The following GNAL variants were observed in gnomAD, a reference collection of about 807,000 sequenced individuals.
GNAL encodes guanine nucleotide-binding protein G(olf) subunit alpha.
In GNAL, 18 loss-of-function variants were observed where a neutral mutation model predicts 55.1. That is an observed-to-expected ratio of 0.33 (90% CI 0.23 to 0.48). The LOEUF is 0.48. Among genes scored for constraint, GNAL ranks in the 20% least tolerant of loss-of-function variants. GNAL has a pLI of 0.99. For synonymous variants in GNAL, 253 were observed against 237.0 expected (o/e 1.07, Z -0.62); for missense variants, 412 against 614.1 (o/e 0.67, Z 3.48).
At chr18:11,788,914 A>ATATATATATATAT (rs1555650656) in intron 4 of GNAL, among the ~76,000 whole-genome samples, 1 of 56,300 alleles carries the variant, frequency 1.8e-5, no homozygotes, top group Non-Finnish European at 2.9e-5. Flanking sequence ...AAAAAAAAAA[A>ATATATATATATAT]ATATATATAT....
intron 5 of GNAL, among the ~76,000 whole-genome samples, chr18:11,835,852 G>A (rs2035486456): frequency 6.6e-6 from 1 of 152,194 alleles, no homozygotes; most frequent in Admixed American, 6.5e-5. Flanking sequence ...AATTATTTAA[G>A]ACGTGCGTCC....
chr18:11,796,765 C>T (rs893463354), intron 4 of GNAL, among the ~76,000 whole-genome samples: 4 of 152,058 alleles, frequency 2.6e-5, no homozygotes, highest in Admixed American at 2.6e-4. Context: ...AAACATTTTT[C>T]ATTTCAGTTA....
chr18:11,761,659 C>G (rs1224327276), intron 4 of GNAL, among the ~76,000 whole-genome samples: 3 of 152,186 alleles, frequency 2.0e-5, no homozygotes, highest in African/African-American at 7.2e-5. Context: ...GCCTCTCTCC[C>G]TAGGCCTGCA....
intron 1 of GNAL, among the ~76,000 whole-genome samples, chr18:11,709,201 C>T (rs1434881014): frequency 2.6e-5 from 4 of 151,864 alleles, no homozygotes; most frequent in African/African-American, 9.7e-5. Flanking sequence ...ATTACTGTAA[C>T]TGTGTAGTAT....
chr18:11,805,909 T>C lies in GNAL; in HGVS notation c.625-19009T>C, dbSNP rs943575221. On this transcript the variant is annotated intron_variant, in intron 4 of 11. Coordinates refer to ENST00000334049, the MANE Select transcript of GNAL (RefSeq NM_182978.4). ...AGAATGGTAGTTCTATTTTTGATTATTTGAGGAATCTCCATACTGTTTTCC... is the reference window on the plus strand; with the variant it reads ...AGAATGGTAGTTCTATTTTTGATTACTTGAGGAATCTCCATACTGTTTTCC... 4.6e-5 allele frequency among the ~76,000 whole-genome samples: 7 copies of C among 152,348 alleles called. No individual in the cohort carries two copies. In the South Asian group the frequency reaches 6.2e-4, roughly 14 times the overall value.
intron 4 of GNAL, among the ~76,000 whole-genome samples, chr18:11,778,303 C>T (rs2033838567): frequency 6.6e-6 from 1 of 152,154 alleles, no homozygotes; most frequent in Non-Finnish European, 1.5e-5. Context: ...AACTATGACC[C>T]ACCCATTCAT....
chr18:11,790,533 G>C (rs1211418976), intron 4 of GNAL, among the ~76,000 whole-genome samples: 1 of 152,114 alleles, frequency 6.6e-6, no homozygotes, highest in Non-Finnish European at 1.5e-5. Context: ...AAGGAGGTCA[G>C]TGCCAAGGTG....
At chr18:11,698,355 G>A (rs2143306381) in intron 1 of GNAL, among the ~76,000 whole-genome samples, 2 of 152,128 alleles carry the variant, frequency 1.3e-5, no homozygotes, top group South Asian at 4.2e-4. Flanking sequence ...ACTGGGCGTG[G>A]TGGTGCACGC....
chr18:11,751,041 G>C lies in GNAL; in HGVS notation c.377-1812G>C, dbSNP rs953561548. On this transcript the variant is annotated intron_variant, in intron 1 of 11. Transcript: ENST00000334049. This position sits in a 1 kb window ranked among gnomAD's most constrained non-coding sequence, Gnocchi z 4.5. Reference sequence around the variant, plus strand: ...TCCTGAAGAAGGCCAGCTCCGCAGTGAAGAAGACCGTGTAGGTTTCTTGGA... The same window carrying C: ...TCCTGAAGAAGGCCAGCTCCGCAGTCAAGAAGACCGTGTAGGTTTCTTGGA... 5.9e-5 allele frequency among the ~76,000 whole-genome samples: 9 copies of C among 152,242 alleles called. No homozygotes were observed. The East Asian group carries it at 1.2e-3, about 20-fold the overall frequency.
chr18:11,749,041 C>T (rs2032753356), intron 1 of GNAL, among the ~76,000 whole-genome samples: 1 of 151,340 alleles, frequency 6.6e-6, no homozygotes, highest in African/African-American at 2.4e-5. Flanking sequence ...CATGAGAAGC[C>T]CCTGAAGCTG....
intron 5 of GNAL, among the ~76,000 whole-genome samples, chr18:11,832,992 ATTC>A (rs2035420578): frequency 6.6e-6 from 1 of 151,926 alleles, no homozygotes; most frequent in Non-Finnish European, 1.5e-5. Context: ...GCATGTACAT[ATTC>A]TTCTTACCTC....
chr18:11,760,120 C>G (rs932482851), intron 4 of GNAL, among the ~76,000 whole-genome samples: 7 of 152,114 alleles, frequency 4.6e-5, no homozygotes, highest in African/African-American at 1.7e-4. Flanking sequence ...CCGCAGCTCG[C>G]TCTTGGAGTG....
At chr18:11,733,644 T>C (rs1254150453) in intron 1 of GNAL, among the ~76,000 whole-genome samples, 1 of 152,148 alleles carries the variant, frequency 6.6e-6, no homozygotes, top group East Asian at 1.9e-4. Context: ...ATTCTCTAAG[T>C]GAAATAACTC....
rs2855641 is a variant in GNAL, at chr18:11,864,721, A to G, written c.851+115A>G. 76,831 of 716,210 alleles carry G rather than the reference A, an allele frequency of 0.11. 6,839 individuals carry two copies. Among genetic ancestry groups the G allele is most frequent in the African/African-American group, 0.38 (21,654 of 57,572 alleles). The allele number at this position is 716,210 out of a possible 1,614,324, so 44.4% of individuals were successfully genotyped here. ...AATGTGCATGGCAGCCCTTTCAGGT[A>G]AGAGCAGCTGGGGTGAAATTTGAAC... On this transcript the variant is annotated intron_variant, in intron 7 of 11. Coordinates refer to ENST00000334049, the MANE Select transcript of GNAL (RefSeq NM_182978.4).
At chr18:11,829,990 G>A (rs2035342006) in intron 5 of GNAL, among the ~76,000 whole-genome samples, 1 of 152,132 alleles carries the variant, frequency 6.6e-6, no homozygotes, top group Admixed American at 6.5e-5. Flanking sequence ...GGGCAAGAGA[G>A]CAAGACTCCA....
In GNAL at chr18:11,751,069, G is replaced by A. The variant is rs956035343; in HGVS notation, c.377-1784G>A. On this transcript the variant is annotated intron_variant, in intron 1 of 11. Transcript: ENST00000334049. This position sits in a 1 kb window ranked among gnomAD's most constrained non-coding sequence, Gnocchi z 4.5. ...GAAGACCGTGTAGGTTTCTTGGAAG[G>A]TGGAGGCACTCGACGACAGAGCTGA... Among the ~76,000 whole-genome samples, 16 of 152,138 alleles carry A rather than the reference G, an allele frequency of 1.1e-4. No homozygotes were observed. The highest frequency in any genetic ancestry group is 3.6e-4 in the African/African-American group (15 of 41,422).
chr18:11,774,151 G>T (rs940999012), intron 4 of GNAL, among the ~76,000 whole-genome samples: 3 of 152,182 alleles, frequency 2.0e-5, no homozygotes, highest in African/African-American at 7.2e-5. Flanking sequence ...TTATGTGTGT[G>T]TGCTGCCTTT....
chr18:11,838,972 C>T lies in GNAL; in HGVS notation c.722+13957C>T, dbSNP rs550430976. ...GTTCTTCTCCATGCAGTGCGTGACA[C>T]AGTAACATATAAATATGAGATGTTA... On this transcript the variant is annotated intron_variant, in intron 5 of 11. Transcript: ENST00000334049. Among the ~76,000 whole-genome samples the T allele has an allele frequency of 9.8e-5, 15 of 152,286 alleles. No homozygotes were observed. In the South Asian group the frequency reaches 3.1e-3, roughly 32 times the overall value.
chr18:11,717,485 T>C (rs1351582253), intron 1 of GNAL, among the ~76,000 whole-genome samples: 1 of 152,174 alleles, frequency 6.6e-6, no homozygotes, highest in African/African-American at 2.4e-5. Context: ...TAAAGACATA[T>C]GCACACGAAT....
Sources: gnomAD v4.1 joint callset for allele counts (sites outside exome capture counted in the v4.1 genomes callset) on GRCh38, gnomAD v4.1.1 for gene constraint, Gnocchi (gnomAD v3.1) non-coding constraint, MANE v1.5 for transcripts, NCBI Gene and HGNC (gene_info 2026-07-23, HGNC 2026-07-21) for gene names.